PCDH9: variants seen among roughly 807,000 people sequenced by gnomAD.
The protein encoded by PCDH9 is protocadherin-9.
Under a neutral mutation model 70.6 loss-of-function variants are expected in PCDH9, and 24 were observed. The ratio of observed to expected loss-of-function variants is 0.34; its 90% CI spans 0.25 to 0.48. The LOEUF (loss-of-function observed/expected upper bound fraction) is 0.48. Ranked by LOEUF, PCDH9 falls within the 20% of genes least tolerant of loss-of-function variation. The pLI, the probability that PCDH9 is intolerant of heterozygous loss-of-function variation, is 0.99. For synonymous variants in PCDH9, 562 were observed against 558.5 expected (o/e 1.01, Z -0.09); for missense variants, 1,281 against 1,503.6 (o/e 0.85, Z 2.45).
chr13:66,412,471 A>T (rs1017366577), intron 4 of PCDH9, among the ~76,000 whole-genome samples: 2 of 152,198 alleles, frequency 1.3e-5, no homozygotes, highest in Non-Finnish European at 2.9e-5. Context: ...TCTAGAACAC[A>T]TCATTCTTTG....
chr13:66,979,901 T>TTCTCCTATCCCTCCACCTTTTTC (rs1401789006), intron 2 of PCDH9, among the ~76,000 whole-genome samples: 2 of 152,068 alleles, frequency 1.3e-5, no homozygotes, highest in Non-Finnish European at 2.9e-5. Flanking sequence ...GCTATTTACC[T>TTCTCCTATCCCTCCACCTTTTTC]TCTCCTATCC....
At chr13:66,794,412 T>A (rs143019389) in intron 3 of PCDH9, among the ~76,000 whole-genome samples, 2,453 of 152,308 alleles carry the variant, frequency 0.016, 77 homozygotes, top group African/African-American at 0.056. Flanking sequence ...TCCACCGTCA[T>A]ACATGGTTAG....
rs116203044 is a variant in PCDH9, at chr13:66,373,760, G to T, written c.3341-68732C>A. ...TAACAAATGGATAAAATTAATTGTT[G>T]GATCCTGTCAAACAAAGGTTTTCAT... is the stretch of plus-strand genomic sequence containing the variant. On this transcript the variant is annotated intron_variant, in intron 4 of 4. Coordinates refer to ENST00000377865, the MANE Select transcript of PCDH9 (RefSeq NM_203487.3). Among the ~76,000 whole-genome samples the T allele has an allele frequency of 4.2e-3, 633 of 152,138 alleles. 3 individuals carry two copies. Among genetic ancestry groups the T allele is most frequent in the African/African-American group, 0.014 (601 of 41,530 alleles).
intron 2 of PCDH9, among the ~76,000 whole-genome samples, chr13:67,085,905 C>T (rs1005635210): frequency 1.3e-5 from 2 of 152,102 alleles, no homozygotes; most frequent in African/African-American, 4.8e-5. Context: ...AGGTAATGTT[C>T]GGTTTCAGAA....
Position 66,816,856 on chromosome 13 carries a change from GT to G in PCDH9, c.3138+86647del, listed in dbSNP as rs529534184. Reference sequence around the variant, plus strand: ...AAGACACAAGTTTTTGTAAAACAAGGTTTTTTTTTTGGTAAGTGGTGGTGTG... The same window carrying G: ...AAGACACAAGTTTTTGTAAAACAAGGTTTTTTTTTGGTAAGTGGTGGTGTG... On this transcript the variant is annotated intron_variant, in intron 3 of 4. Transcript: ENST00000377865. 8.1e-5 allele frequency among the ~76,000 whole-genome samples: 12 copies of G among 148,400 alleles called. No individual in the cohort carries two copies. The South Asian group carries it at 1.1e-3, about 13-fold the overall frequency.
At chr13:66,352,291 GT>G (rs1956305330) in intron 4 of PCDH9, among the ~76,000 whole-genome samples, 1 of 152,124 alleles carries the variant, frequency 6.6e-6, no homozygotes, top group African/African-American at 2.4e-5. Context: ...AATTCAGAGG[GT>G]TTTTTGACAT....
intron 4 of PCDH9, among the ~76,000 whole-genome samples, chr13:66,362,998 T>C (rs1956497033): frequency 6.6e-6 from 1 of 152,076 alleles, no homozygotes; most frequent in African/African-American, 2.4e-5. Flanking sequence ...CTGGCCAACA[T>C]GGAGAAACCT....
intron 2 of PCDH9, among the ~76,000 whole-genome samples, chr13:66,972,143 TAC>T (rs902717457): frequency 3.9e-5 from 6 of 151,936 alleles, no homozygotes; most frequent in African/African-American, 1.2e-4. Context: ...GTATTGCTAA[TAC>T]ACACACATGT....
chr13:67,015,947 A>G (rs1006699572), intron 2 of PCDH9, among the ~76,000 whole-genome samples: 1 of 152,130 alleles, frequency 6.6e-6, no homozygotes, highest in African/African-American at 2.4e-5. Flanking sequence ...ATTCACCTCA[A>G]TTCCCACACC....
In PCDH9 at chr13:66,993,760, C is replaced by T. The variant is rs116755143; in HGVS notation, c.3037-90155G>A. ...TAAAATTACGTATCTTATAATCACA[C>T]GAAAAATATTTTCAATGGCTTGAGA... On this transcript the variant is annotated intron_variant, in intron 2 of 4. Transcript: ENST00000377865. 5.6e-3 allele frequency among the ~76,000 whole-genome samples: 855 copies of T among 152,176 alleles called. 10 individuals carry two copies. Among genetic ancestry groups the T allele is most frequent in the African/African-American group, 0.019 (805 of 41,512 alleles).
chr13:66,688,550 T>C (rs997367258), intron 3 of PCDH9, among the ~76,000 whole-genome samples: 1 of 152,114 alleles, frequency 6.6e-6, no homozygotes, highest in African/African-American at 2.4e-5. Context: ...TAACTAAAAG[T>C]TGATATTAAT....
chr13:66,964,554 C>T (rs1027794070), intron 2 of PCDH9, among the ~76,000 whole-genome samples: 1 of 151,814 alleles, frequency 6.6e-6, no homozygotes, highest in African/African-American at 2.4e-5. Flanking sequence ...ATGACTCAAT[C>T]TATTTATATC....
intron 2 of PCDH9, among the ~76,000 whole-genome samples, chr13:67,056,791 C>A (rs2085428757): frequency 6.6e-6 from 1 of 152,038 alleles, no homozygotes; most frequent in Admixed American, 6.6e-5. Context: ...TCAGTGGATG[C>A]TTTATCATCA....
At chr13:67,024,591 C>T (rs1405529324) in intron 2 of PCDH9, among the ~76,000 whole-genome samples, 1 of 151,920 alleles carries the variant, frequency 6.6e-6, no homozygotes, top group Non-Finnish European at 1.5e-5. Context: ...ATTGGTTAGG[C>T]TATTTCCATC....
chr13:66,773,977 C>T (rs1275280360), intron 3 of PCDH9, among the ~76,000 whole-genome samples: 1 of 151,884 alleles, frequency 6.6e-6, no homozygotes, highest in Non-Finnish European at 1.5e-5. Context: ...GGAGTTTCAC[C>T]ATGTTGGCCA....
intron 3 of PCDH9, chr13:66,859,239 T>C (rs188174458): frequency 4.1e-4 from 62 of 152,312 alleles, no homozygotes; most frequent in African/African-American, 1.4e-3. Flanking sequence ...CCTTTCTATT[T>C]GCGGGACACT....
intron 2 of PCDH9, among the ~76,000 whole-genome samples, chr13:67,161,453 C>T (rs1478908503): frequency 6.6e-6 from 1 of 152,168 alleles, no homozygotes; most frequent in African/African-American, 2.4e-5. Flanking sequence ...GGCTTAGCAC[C>T]CTCTGATTTC....
At chr13:66,698,123 G>A (rs1356995376) in intron 3 of PCDH9, among the ~76,000 whole-genome samples, 2 of 152,158 alleles carry the variant, frequency 1.3e-5, no homozygotes, top group South Asian at 4.2e-4. Flanking sequence ...GGTCTGTGGG[G>A]CAGTAGAAAT....
chr13:66,560,518 G>GTGC (rs534763005), intron 4 of PCDH9, among the ~76,000 whole-genome samples: 83 of 152,282 alleles, frequency 5.5e-4, no homozygotes, highest in Non-Finnish European at 1.1e-3. Flanking sequence ...ACCTCGGGTC[G>GTGC]TGCATTGGTC....
Sources: allele counts gnomAD v4.1 joint callset (sites outside exome capture counted in the v4.1 genomes callset), GRCh38; gene constraint gnomAD v4.1.1; transcripts MANE v1.5; gene names NCBI Gene and HGNC (gene_info 2026-07-23, HGNC 2026-07-21).